The following VSX2 variants were observed in gnomAD, a reference collection of about 807,000 sequenced individuals.
The protein encoded by VSX2 is visual system homeobox 2.
VSX2 carries 28 observed loss-of-function variants against 32.1 expected under a neutral mutation model. The ratio of observed to expected loss-of-function variants is 0.87; its 90% CI spans 0.65 to 1.20. The LOEUF is 1.20. Among genes scored for constraint, VSX2 ranks in the 50% most tolerant of loss-of-function variants. The pLI is 0.00. For synonymous variants in VSX2, 243 were observed against 214.1 expected (o/e 1.14, Z -1.18); for missense variants, 506 against 488.7 (o/e 1.04, Z -0.33).
chr14:74,245,205 G>A lies in VSX2; in HGVS notation c.496G>A (p.Ala166Thr). The change falls in exon 3 of 5, where the codon GCA (alanine) becomes ACA (threonine). Residue 166 changes from alanine (A) to threonine (T), a missense_variant. Coordinates refer to ENST00000261980, the MANE Select transcript of VSX2 (RefSeq NM_182894.3). ...TSYQLEELEKAFNEAHYPDVY... is the reference protein window; with the variant it reads ...TSYQLEELEKTFNEAHYPDVY... ...CTACCAGCTAGAGGAGCTGGAGAAG[G>A]CATTCAACGAAGCCCACTACCCAGA... 1.2e-6 allele frequency: 2 copies of A among 1,613,724 alleles called. No homozygotes were observed. Among genetic ancestry groups the A allele is most frequent in the South Asian group, 2.2e-5 (2 of 91,028 alleles).
At chr14:74,252,691 C>T (rs1314898340) in intron 3 of VSX2, among the ~76,000 whole-genome samples, 1 of 152,032 alleles carries the variant, frequency 6.6e-6, no homozygotes, top group African/African-American at 2.4e-5. Context: ...GCTTGGCCAA[C>T]CTGGGCTTTC....
intron 3 of VSX2, among the ~76,000 whole-genome samples, chr14:74,247,869 A>G (rs970995058): frequency 1.7e-4 from 26 of 151,836 alleles, no homozygotes; most frequent in Non-Finnish European, 3.7e-4. Context: ...AATTCTGTAC[A>G]TGAATTCAAG....
intron 2 of VSX2, among the ~76,000 whole-genome samples, chr14:74,244,263 G>T (rs1421569431): frequency 6.6e-6 from 1 of 152,188 alleles, no homozygotes. Context: ...GCTCTGTTGG[G>T]GGTGGGGAAC....
chr14:74,257,149 G>C (rs978274446), intron 3 of VSX2, among the ~76,000 whole-genome samples: 6 of 151,906 alleles, frequency 3.9e-5, no homozygotes, highest in African/African-American at 1.5e-4. Flanking sequence ...GCACAGGCCC[G>C]CGGCGCTGGG....
intron 3 of VSX2, among the ~76,000 whole-genome samples, chr14:74,252,851 C>G (rs919307474): frequency 3.3e-5 from 5 of 151,690 alleles, no homozygotes; most frequent in Non-Finnish European, 1.5e-5. Context: ...GGGTTCGAGA[C>G]CAGCCTGGCC....
Position 74,261,721 on chromosome 14 carries a change from T to A in VSX2, c.*802T>A, listed in dbSNP as rs977380848. The A allele has an allele frequency of 2.0e-5, 3 of 152,370 alleles. No homozygotes were observed. Among genetic ancestry groups the A allele is most frequent in the Admixed American group, 1.3e-4 (2 of 15,284 alleles). 9.4% of individuals were successfully genotyped at this position (152,370 alleles called of 1,614,324 possible). ...GAGTCCATGTCCTATGCCTCACAAA[T>A]GCTGTGGTTCACTGCACTGTTCAGG... On this transcript the variant is annotated 3_prime_UTR_variant, in exon 5 of 5. Transcript: ENST00000261980.
Position 74,260,969 on chromosome 14 carries a change from C to T in VSX2, c.*50C>T. On this transcript the variant is annotated 3_prime_UTR_variant, in exon 5 of 5. Transcript: ENST00000261980. ...GCCCCAAGACTCTGCTCTCCTCGGG[C>T]CCTGTGGTGCTGGGAGATGCTCTCT... The T allele has an allele frequency of 6.5e-7, 1 of 1,542,384 alleles. No individual in the cohort carries two copies. Among genetic ancestry groups the T allele is most frequent in the East Asian group, 2.5e-5 (1 of 40,812 alleles).
intron 3 of VSX2, among the ~76,000 whole-genome samples, chr14:74,258,392 C>CG (rs1321906327): frequency 2.0e-5 from 3 of 152,006 alleles, no homozygotes; most frequent in African/African-American, 7.2e-5. Context: ...ACCTCTGCCG[C>CG]GGGGGAGGGG....
chr14:74,259,912 G>A, intron 4 of VSX2, 130 bp downstream of exon 4: 1 of 1,029,068 alleles, frequency 9.7e-7, no homozygotes, highest in Non-Finnish European at 1.4e-6. Context: ...ATTCTTCAAA[G>A]CAAACCTCTT....
At chr14:74,254,497 G>A (rs2079249774) in intron 3 of VSX2, among the ~76,000 whole-genome samples, 1 of 152,174 alleles carries the variant, frequency 6.6e-6, no homozygotes, top group African/African-American at 2.4e-5. Context: ...AATGCCTAAG[G>A]GGGAAGTAGA....
At chr14:74,256,734 C>T (rs185610074) in intron 3 of VSX2, among the ~76,000 whole-genome samples, 42,694 of 142,606 alleles carry the variant, frequency 0.3, 6,695 homozygotes, top group East Asian at 0.64. Flanking sequence ...AGTGCAGTGG[C>T]ACGATCTCGG....
chr14:74,253,965 T>C (rs993637146), intron 3 of VSX2, among the ~76,000 whole-genome samples: 2 of 151,674 alleles, frequency 1.3e-5, no homozygotes, highest in African/African-American at 4.8e-5. Flanking sequence ...GAAAAAGAAA[T>C]GCACTCATAG....
intron 3 of VSX2, among the ~76,000 whole-genome samples, chr14:74,247,504 G>A (rs1374971407): frequency 6.6e-6 from 1 of 152,214 alleles, no homozygotes; most frequent in African/African-American, 2.4e-5. Context: ...CTCACTCGGT[G>A]TCAGATCTGA....
At chr14:74,244,911 T>TGAAAGAGAGAGAGAGAGAGAGAGAGAGA (rs2079175968) in intron 2 of VSX2, among the ~76,000 whole-genome samples, 2 of 113,728 alleles carry the variant, frequency 1.8e-5, no homozygotes, top group African/African-American at 3.3e-5. Flanking sequence ...TGTGTGTGTG[T>TGAAAGAGAGAGAGAGAGAGAGAGAGAGA]GTGTGTGTGT....
intron 3 of VSX2, among the ~76,000 whole-genome samples, chr14:74,252,450 G>A (rs2079235856): frequency 6.6e-6 from 1 of 151,602 alleles, no homozygotes; most frequent in Admixed American, 6.6e-5. Flanking sequence ...GAGTGCAGGG[G>A]CACGATCTCG....
At position 74,245,214 on chromosome 14, in the gene VSX2, G is replaced by A. The variant is rs573993188; in HGVS notation, c.505G>A (p.Glu169Lys). The A allele has an allele frequency of 1.1e-4, 172 of 1,613,662 alleles. 1 individual carries two copies. The East Asian group carries it at 3.6e-3, about 34-fold the overall frequency. ...AGAGGAGCTGGAGAAGGCATTCAACGAAGCCCACTACCCAGACGTCTATGC... is the reference window on the plus strand; with the variant it reads ...AGAGGAGCTGGAGAAGGCATTCAACAAAGCCCACTACCCAGACGTCTATGC... ...QLEELEKAFNEAHYPDVYARE... is the reference protein window; with the variant it reads ...QLEELEKAFNKAHYPDVYARE... The change falls in exon 3 of 5, where the codon GAA becomes AAA. Residue 169 changes from glutamate (E) to lysine (K), a missense_variant. Transcript: ENST00000261980.
chr14:74,248,306 G>T (rs1470754444), intron 3 of VSX2, among the ~76,000 whole-genome samples: 4 of 138,392 alleles, frequency 2.9e-5, no homozygotes, highest in African/African-American at 5.3e-5. Context: ...TGGGAGGATT[G>T]CTTGAGCCCA....
intron 2 of VSX2, among the ~76,000 whole-genome samples, chr14:74,243,071 T>TATTC (rs1010151738): frequency 6.6e-6 from 1 of 152,184 alleles, no homozygotes; most frequent in African/African-American, 2.4e-5. Context: ...GAGAGGAGAA[T>TATTC]GGCTACGGAT....
chr14:74,261,147 G>C lies in VSX2; in HGVS notation c.*228G>C. The C allele has an allele frequency of 1.7e-6, 1 of 579,294 alleles. No individual in the cohort carries two copies. The highest frequency in any genetic ancestry group is 2.3e-5 in the South Asian group (1 of 43,548). The allele number at this position is 579,294 out of a possible 1,614,324, so 35.9% of individuals were successfully genotyped here. On this transcript the variant is annotated 3_prime_UTR_variant, in exon 5 of 5. Coordinates refer to ENST00000261980, the MANE Select transcript of VSX2 (RefSeq NM_182894.3). The stretch of plus-strand genomic sequence containing the variant: ...TGACCTCTCCAGCATCCCAGCCTCA[G>C]AAGCCTTCTTGCTGCCCACAACGTC...
Sources: gnomAD v4.1 joint callset for allele counts (sites outside exome capture counted in the v4.1 genomes callset) on GRCh38, gnomAD v4.1.1 for gene constraint, MANE v1.5 for transcripts, NCBI Gene and HGNC (gene_info 2026-07-23, HGNC 2026-07-21) for gene names.